Variants in RGS12 observed in about 807,000 individuals in gnomAD.
The protein encoded by RGS12 is regulator of G protein signaling 12.
A neutral mutation model predicts 120.1 loss-of-function variants in RGS12; 66 were observed. The observed-to-expected ratio is 0.55, with a 90% CI of 0.45 to 0.67. The LOEUF (loss-of-function observed/expected upper bound fraction) is 0.67, where lower values mean the gene tolerates loss of function less well. Among genes scored for constraint, RGS12 ranks in the 30% least tolerant of loss-of-function variants. RGS12 has a pLI of 0.00. For missense variants in RGS12, 1,859 were observed against 1,957.7 expected, an observed-to-expected ratio of 0.95 and a Z score of 0.95; for synonymous variants, 827 against 804.7, an observed-to-expected ratio of 1.03 and a Z score of -0.47.
chr4:3,300,805 T>C (rs1254455245), intron 1 of RGS12, among the ~76,000 whole-genome samples: 1 of 152,228 alleles, frequency 6.6e-6, no homozygotes, highest in Non-Finnish European at 1.5e-5. Flanking sequence ...CACCTGTGAT[T>C]GCATTTAGGA....
chr4:3,439,444 CCTT>C lies in RGS12; in HGVS notation c.4115-10_4115-8del. The C allele has an allele frequency of 1.2e-6, 2 of 1,612,588 alleles. No homozygotes were observed. Among genetic ancestry groups the C allele is most frequent in the Non-Finnish European group, 1.7e-6 (2 of 1,179,738 alleles). On this transcript the variant is annotated splice_region_variant and splice_polypyrimidine_tract_variant and intron_variant, in intron 17 of 17. Coordinates refer to ENST00000336727, the MANE Select transcript of RGS12 (RefSeq NM_001394154.1). ...CCAGGCAAGTGACAGCTTCTCTTCT[CCTT>C]GTGACAGGAAGTGGGACCCATGGCA...
intron 17 of RGS12, chr4:3,431,533 G>A: frequency 1.0e-6 from 1 of 986,206 alleles, no homozygotes; most frequent in Non-Finnish European, 1.2e-6. Flanking sequence ...CTGACCGCGG[G>A]TGTCACGGGC....
intron 2 of RGS12, chr4:3,342,434 G>C (rs1365906699): frequency 2.4e-6 from 3 of 1,273,618 alleles, no homozygotes; most frequent in Non-Finnish European, 3.1e-6. Context: ...CTGCGCCGGA[G>C]TTGGTTGGGT....
intron 3 of RGS12, among the ~76,000 whole-genome samples, chr4:3,378,811 A>G (rs1287142135): frequency 2.6e-5 from 4 of 152,234 alleles, no homozygotes. Context: ...GTGGGAATGT[A>G]AATTGTACAG....
rs775974147 is a variant in RGS12 at position 3,316,415 on chromosome 4, A to G, written c.245A>G (p.Lys82Arg). The part of the protein sequence containing the change: ...VKKASHEDVV[K>R]LIGKCSGVLH... ...AAAGCATCTCATGAAGATGTAGTGA[A>G]ATTAATTGGGAAGTGCTCTGGTGTC... The change falls in exon 2 of 18, where the codon AAA becomes AGA. Residue 82 changes from lysine (K) to arginine (R), a missense_variant. Lys to Arg is a conservative substitution (Grantham distance 26). Around this residue, in one of 3 missense-constraint regions of RGS12, gnomAD observed 967 missense variants for 994.2 expected, o/e 0.97. Transcript: ENST00000336727. 3 of 1,614,120 alleles carry G rather than the reference A, an allele frequency of 1.9e-6. No individual in the cohort carries two copies. In the Admixed American group the frequency reaches 5.0e-5, roughly 27 times the overall value.
Position 3,439,545 on chromosome 4 carries a change from G to C in RGS12, c.4205G>C (p.Gly1402Ala). ...GGCTCGGCGCCCGGGCGGGATGGTG[G>C]CATAGCGGGGGCACAGGCTGGCCCT... Reference protein sequence around the residue: ...VTGSAPGRDGGIAGAQAGPGR... With the variant: ...VTGSAPGRDGAIAGAQAGPGR... The change falls in exon 18 of 18, where the codon GGC (glycine) becomes GCC (alanine). Residue 1402 changes from glycine to alanine, a missense_variant. Physicochemically the swap from Gly to Ala is moderately conservative, Grantham distance 60. Transcript: ENST00000336727. The C allele has an allele frequency of 6.2e-7, 1 of 1,612,558 alleles. No homozygotes were observed. Among genetic ancestry groups the C allele is most frequent in the South Asian group, 1.1e-5 (1 of 91,068 alleles).
chr4:3,362,422 G>A (rs1223649997), intron 3 of RGS12, among the ~76,000 whole-genome samples: 1 of 149,666 alleles, frequency 6.7e-6, no homozygotes, highest in Non-Finnish European at 1.5e-5. Context: ...TATCTGTGAG[G>A]GTATGTGTTG....
At chr4:3,412,859 G>T (rs1428918385) in intron 4 of RGS12, 1 of 152,342 alleles carries the variant, frequency 6.6e-6, no homozygotes, top group Non-Finnish European at 1.5e-5. Context: ...AGACATACGT[G>T]CTCTGGCACG....
chr4:3,398,850 G>T (rs115786471), intron 4 of RGS12, among the ~76,000 whole-genome samples: 84 of 152,134 alleles, frequency 5.5e-4, no homozygotes, highest in African/African-American at 1.9e-3. Context: ...TTTTTCTAAA[G>T]TACGTGGAAC....
rs1375886277 is a variant in RGS12 at position 3,390,434 on chromosome 4, G to A, written c.2020+3997G>A. 3.2e-4 allele frequency among the ~76,000 whole-genome samples: 49 copies of A among 152,238 alleles called. No homozygotes were observed. Among genetic ancestry groups the A allele is most frequent in the Non-Finnish European group, 1.5e-5 (1 of 68,032 alleles). The stretch of plus-strand genomic sequence containing the variant: ...TCAGCAGACATCAGCCAGAGCGTCA[G>A]GGCGAGGCTTGGGCGGGGACAGTGG... On this transcript the variant is annotated intron_variant, in intron 4 of 17. Transcript: ENST00000336727. The surrounding 1 kb of genome is among the most constrained non-coding windows in gnomAD (Gnocchi z 4.6).
Position 3,439,536 on chromosome 4 carries a change from G to A in RGS12, c.4196G>A (p.Arg1399Gln), listed in dbSNP as rs747067951. 5.5e-5 allele frequency: 89 copies of A among 1,612,554 alleles called. No individual in the cohort carries two copies. The highest frequency in any genetic ancestry group is 1.6e-4 in the Middle Eastern group (1 of 6,078). The change falls in exon 18 of 18, where the codon CGG (arginine) becomes CAG (glutamine). Residue 1399 changes from arginine (R) to glutamine (Q), a missense_variant. Physicochemically the swap from Arg to Gln is conservative, Grantham distance 43 (BLOSUM62 1). Around this residue, in one of 3 missense-constraint regions of RGS12, gnomAD observed 517 missense variants for 488.5 expected, o/e 1.06. Coordinates refer to ENST00000336727, the MANE Select transcript of RGS12 (RefSeq NM_001394154.1). ...VDLVTGSAPG[R>Q]DGGIAGAQAG... ...CTTGTAACTGGCTCGGCGCCCGGGC[G>A]GGATGGTGGCATAGCGGGGGCACAG...
chr4:3,319,088 C>CAGG (rs142934598), intron 2 of RGS12, among the ~76,000 whole-genome samples: 9,386 of 152,192 alleles, frequency 0.062, 828 homozygotes, highest in African/African-American at 0.2. Flanking sequence ...ATTCCCCCTC[C>CAGG]CCTAGTGTTT....
At chr4:3,423,753 G>A (rs1365377005) in intron 13 of RGS12, 112 bp downstream of exon 13, 2 of 1,363,840 alleles carry the variant, frequency 1.5e-6, no homozygotes, top group African/African-American at 2.9e-5. Flanking sequence ...GTCTTCCCCT[G>A]ATCTGGTTGT....
chr4:3,291,432 C>CGG (rs1723015639), upstream of RGS12, among the ~76,000 whole-genome samples: 1 of 151,650 alleles, frequency 6.6e-6, no homozygotes, highest in Non-Finnish European at 1.5e-5. Context: ...CAGCAACCTC[C>CGG]GCCTCCGGGG....
chr4:3,411,768 G>T (rs1009792334), intron 4 of RGS12, among the ~76,000 whole-genome samples: 3 of 152,246 alleles, frequency 2.0e-5, no homozygotes, highest in East Asian at 1.9e-4. Context: ...CTTGCCACAT[G>T]GGGGGGAGTC....
chr4:3,436,958 G>GGA (rs1724866436), intron 17 of RGS12, among the ~76,000 whole-genome samples: 2 of 152,226 alleles, frequency 1.3e-5, no homozygotes, highest in South Asian at 4.1e-4. Context: ...GTGGCCTCAG[G>GGA]TCTGGATGTT....
At chr4:3,367,673 C>T (rs1240731109) in intron 3 of RGS12, among the ~76,000 whole-genome samples, 1 of 152,246 alleles carries the variant, frequency 6.6e-6, no homozygotes, top group African/African-American at 2.4e-5. Flanking sequence ...CAGGCGGTCA[C>T]AGGAGTTCTC....
At position 3,416,147 on chromosome 4, in the gene RGS12, G is replaced by C. The variant is rs200733246; in HGVS notation, c.2427+26G>C. On this transcript the variant is annotated intron_variant, in intron 7 of 17. Transcript: ENST00000336727. ...GTAACCGCAGGCTGTGGGAGCTTGT[G>C]GGGAGTCCAGGCTAGGGCTCGGGGT... 65 of 1,612,920 alleles carry C rather than the reference G, an allele frequency of 4.0e-5. No homozygotes were observed. The East Asian group carries it at 1.4e-3, about 36-fold the overall frequency.
chr4:3,437,227 T>C lies in RGS12; in HGVS notation c.4115-2228T>C, dbSNP rs1012389245. Among the ~76,000 whole-genome samples, 4 of 152,138 alleles carry C rather than the reference T, an allele frequency of 2.6e-5. No homozygotes were observed. In the South Asian group the frequency reaches 8.3e-4, roughly 32 times the overall value. On this transcript the variant is annotated intron_variant, in intron 17 of 17. Transcript: ENST00000336727. ...CCCGTAGGCAGGAAGGGCCTGGCTGTGGCCCCCTCCTTGTGATGTGGACAT... is the reference window on the plus strand; with the variant it reads ...CCCGTAGGCAGGAAGGGCCTGGCTGCGGCCCCCTCCTTGTGATGTGGACAT...
Sources: gnomAD v4.1 joint callset for allele counts (sites outside exome capture counted in the v4.1 genomes callset) on GRCh38, gnomAD v4.1.1 for gene constraint, gnomAD v4.1.1 regional missense constraint, Gnocchi (gnomAD v3.1) non-coding constraint, MANE v1.5 for transcripts, NCBI Gene and HGNC (gene_info 2026-07-23, HGNC 2026-07-21) for gene names.